Variants in ESYT1 observed in about 807,000 individuals in gnomAD.
The protein encoded by ESYT1 is extended synaptotagmin-1.
ESYT1 carries 116 observed loss-of-function variants against 154.2 expected under a neutral mutation model. That is an observed-to-expected ratio of 0.75 (90% confidence interval 0.65 to 0.88). ESYT1 has a LOEUF of 0.88. Ranked by LOEUF, ESYT1 falls within the 40% of genes least tolerant of loss-of-function variation. The pLI is 0.00. For synonymous variants in ESYT1, 500 were observed against 539.9 expected, an observed-to-expected ratio of 0.93 and a Z score of 1.02; for missense variants, 1,264 against 1,379.3, an observed-to-expected ratio of 0.92 and a Z score of 1.32.
At chr12:56,130,272 C>A in intron 1 of ESYT1, 1 of 464,638 alleles carries the variant, frequency 2.2e-6, no homozygotes, top group South Asian at 2.7e-5. Context: ...GGACCTCCCC[C>A]TCCAGAAAGA....
chr12:56,138,888 G>A (rs1478164887), intron 23 of ESYT1, 39 bp from the exon 24 acceptor site: 2 of 1,611,570 alleles, frequency 1.2e-6, no homozygotes, highest in Non-Finnish European at 1.7e-6. Flanking sequence ...AGAGAAATAA[G>A]AGTATCAGCT....
chr12:56,139,033 C>T lies in ESYT1; in HGVS notation c.2592+20C>T. ...TTGCAGGTACTGTAAATTCATTCTT[C>T]AAATATTTAGCAGATTTCTGCCATG... On this transcript the variant is annotated intron_variant, in intron 24 of 30. Transcript: ENST00000394048. 1 of 1,592,826 alleles carries T rather than the reference C, an allele frequency of 6.3e-7. No homozygotes were observed. Among genetic ancestry groups the T allele is most frequent in the Non-Finnish European group, 8.6e-7 (1 of 1,160,910 alleles).
rs1046395566 is a variant in ESYT1, at chr12:56,128,576, C to T, written c.257C>T (p.Ala86Val). 6 of 1,613,878 alleles carry T rather than the reference C, an allele frequency of 3.7e-6. No homozygotes were observed. The African/African-American group carries it at 8.0e-5, about 22-fold the overall frequency. Residue 86 changes from alanine (A) to valine (V), a missense_variant, in exon 1 of 31, where the codon GCC becomes GTC. Coordinates refer to ENST00000394048, the MANE Select transcript of ESYT1 (RefSeq NM_015292.3). ...LSVGFVLFGL[A>V]LYLGWRRVRD... is the part of the protein sequence containing the mutation. ...GTGGGTTTCGTGCTCTTCGGCCTCG[C>T]CCTCTACCTGGGCTGGCGCCGGGTC... is the stretch of plus-strand genomic sequence containing the variant.
At chr12:56,130,656 G>A (rs180768380) in intron 2 of ESYT1, 33 bp downstream of exon 2, 1 of 1,614,058 alleles carries the variant, frequency 6.2e-7, no homozygotes, top group East Asian at 2.2e-5. Context: ...GTCTTCATGA[G>A]GGGAGAATGG....
Position 56,138,243 on chromosome 12 carries a change from C to A in ESYT1, c.2308C>A (p.Pro770Thr), listed in dbSNP as rs1425045827. The A allele has an allele frequency of 1.2e-6, 2 of 1,614,236 alleles. No homozygotes were observed. The highest frequency in any genetic ancestry group is 3.3e-5 in the Admixed American group (2 of 60,026). Residue 770 changes from proline to threonine, a missense_variant, in exon 21 of 31, where the codon CCC (proline) becomes ACC (threonine). By Grantham distance (38) the Pro-to-Thr change is conservative (BLOSUM62 -1). Transcript: ENST00000394048. ...GCACTTGCGCCTGGAGCGTCTCACC[C>A]CCCGTCCCACTGCTGCTGAGTTAGA... ...RLHLRLERLTPRPTAAELEEV... is the reference protein window; with the variant it reads ...RLHLRLERLTTRPTAAELEEV...
chr12:56,133,720 G>A, intron 12 of ESYT1, 46 bp downstream of exon 12: 1 of 1,613,268 alleles, frequency 6.2e-7, no homozygotes, highest in Non-Finnish European at 8.5e-7. Flanking sequence ...GAAATAGGTA[G>A]CTGGAAGTGT....
chr12:56,140,620 C>A (rs1446513584), intron 24 of ESYT1, among the ~76,000 whole-genome samples: 1 of 152,192 alleles, frequency 6.6e-6, no homozygotes, highest in African/African-American at 2.4e-5. Flanking sequence ...GCCTCGGCCT[C>A]CCAAAGTGCT....
In ESYT1 at chr12:56,138,994, C is replaced by T; in HGVS notation, c.2573C>T (p.Thr858Ile). ...SASFLIRKPH[T>I]ESLELQVRGE... is the part of the protein sequence containing the mutation. ...TCCTTTCTCATCAGGAAACCACACA[C>T]TGAGAGCCTAGAGTTGCAGGTACTG... Residue 858 changes from threonine (T) to isoleucine (I), a missense_variant, in exon 24 of 31, where the codon ACT becomes ATT. Physicochemically the swap from Thr to Ile is moderately conservative, Grantham distance 89 (BLOSUM62 -1). Transcript: ENST00000394048. 1 of 1,613,914 alleles carries T rather than the reference C, an allele frequency of 6.2e-7. No homozygotes were observed. The highest frequency in any genetic ancestry group is 1.1e-5 in the South Asian group (1 of 91,072).
At chr12:56,138,359 C>T (rs760750940) in intron 21 of ESYT1, 45 bp from the exon 22 acceptor site, 2 of 1,611,784 alleles carry the variant, frequency 1.2e-6, no homozygotes, top group South Asian at 2.2e-5. Flanking sequence ...TGCCAGAACC[C>T]AAGGTGTCAG....
Position 56,144,500 on chromosome 12 carries a change from G to T in ESYT1, c.*638G>T. 1.0e-6 allele frequency: 1 copy of T among 985,978 alleles called. No homozygotes were observed. The highest frequency in any genetic ancestry group is 4.7e-5 in the South Asian group (1 of 21,320). 61.1% of individuals were successfully genotyped at this position (985,978 alleles called of 1,614,324 possible). On this transcript the variant is annotated 3_prime_UTR_variant, in exon 31 of 31. Coordinates refer to ENST00000394048, the MANE Select transcript of ESYT1 (RefSeq NM_015292.3). The stretch of plus-strand genomic sequence containing the variant: ...CAAGTAGTGGCATATCAGTCTTGGA[G>T]CTCCTAGCTGGTGATACGGAGAGGG...
At chr12:56,132,683 A>G in intron 9 of ESYT1, 36 bp from the exon 10 acceptor site, 1 of 1,613,662 alleles carries the variant, frequency 6.2e-7, no homozygotes, top group Non-Finnish European at 8.5e-7. Context: ...TCACAGCTGC[A>G]GCCCCATGAG....
Position 56,144,634 on chromosome 12 carries a change from C to T in ESYT1, c.*772C>T, listed in dbSNP as rs937879487. The stretch of plus-strand genomic sequence containing the variant: ...ACTTTACAGTTTTGCACCAACTCTG[C>T]CAAGCCACTGGATCTTACATTAAAC... On this transcript the variant is annotated 3_prime_UTR_variant, in exon 31 of 31. Coordinates refer to ENST00000394048, the MANE Select transcript of ESYT1 (RefSeq NM_015292.3). The T allele has an allele frequency of 2.2e-5, 22 of 985,306 alleles. No individual in the cohort carries two copies. The highest frequency in any genetic ancestry group is 2.7e-5 in the Non-Finnish European group (22 of 829,946). 61.0% of individuals were successfully genotyped at this position (985,306 alleles called of 1,614,324 possible).
chr12:56,133,366 C>T (rs1321766550), intron 10 of ESYT1, 51 bp from the exon 11 acceptor site: 1 of 1,609,864 alleles, frequency 6.2e-7, no homozygotes, highest in Non-Finnish European at 8.5e-7. Flanking sequence ...CTGCTAATTA[C>T]AACACTACCC....
chr12:56,144,575 G>A lies in ESYT1; in HGVS notation c.*713G>A. 1 of 985,466 alleles carries A rather than the reference G, an allele frequency of 1.0e-6. No individual in the cohort carries two copies. Among genetic ancestry groups the A allele is most frequent in the Non-Finnish European group, 1.2e-6 (1 of 830,006 alleles). 61.0% of individuals were successfully genotyped at this position (985,466 alleles called of 1,614,324 possible). On this transcript the variant is annotated 3_prime_UTR_variant, in exon 31 of 31. Transcript: ENST00000394048. ...GCCAATTTTTTTGCCCAAGTGCCTAGGCTGCTAACTCACTGACTAGAACTT... is the reference window on the plus strand; with the variant it reads ...GCCAATTTTTTTGCCCAAGTGCCTAAGCTGCTAACTCACTGACTAGAACTT...
chr12:56,134,807 C>A (rs551604130), intron 15 of ESYT1, among the ~76,000 whole-genome samples: 18 of 152,046 alleles, frequency 1.2e-4, no homozygotes, highest in East Asian at 3.9e-4. Context: ...CCATGCTGGC[C>A]AGGCTGGTCT....
intron 1 of ESYT1, chr12:56,130,310 C>A: frequency 1.8e-6 from 1 of 550,892 alleles, no homozygotes; most frequent in Non-Finnish European, 3.3e-6. Context: ...TCCCGCTCCT[C>A]TCTCTCTCAG....
At chr12:56,141,544 TC>T (rs537015430) in intron 24 of ESYT1, among the ~76,000 whole-genome samples, 34 of 152,030 alleles carry the variant, frequency 2.2e-4, no homozygotes, top group Non-Finnish European at 3.5e-4. Context: ...ATCGAGACCA[TC>T]CTGGCTAACA....
At chr12:56,131,827 C>T (rs1261008508) in intron 7 of ESYT1, 23 bp downstream of exon 7, 4 of 1,610,378 alleles carry the variant, frequency 2.5e-6, no homozygotes, top group South Asian at 1.1e-5. Context: ...TACTGAGCAC[C>T]TGCTGAGTGT....
chr12:56,134,494 T>C (rs770290073), intron 15 of ESYT1, 66 bp downstream of exon 15: 215 of 1,326,284 alleles, frequency 1.6e-4, no homozygotes, highest in Non-Finnish European at 2.2e-4. Context: ...CTGTACCATT[T>C]CTCCTCTCCT....
Sources: allele counts gnomAD v4.1 joint callset (sites outside exome capture counted in the v4.1 genomes callset), GRCh38; gene constraint gnomAD v4.1.1; transcripts MANE v1.5; gene names NCBI Gene and HGNC (gene_info 2026-07-23, HGNC 2026-07-21).